Variants in RSPH14 observed in about 807,000 individuals in gnomAD.
The protein encoded by RSPH14 is rhabdoid tumor deletion region gene 1.
RSPH14 carries 20 observed loss-of-function variants against 26.7 expected under a neutral mutation model. The ratio of observed to expected loss-of-function variants is 0.75; its 90% confidence interval spans 0.53 to 1.09. The LOEUF (loss-of-function observed/expected upper bound fraction) is 1.09, where lower values mean the gene tolerates loss of function less well. Ranked by LOEUF, RSPH14 falls within the 50% of genes least tolerant of loss-of-function variation. The pLI is 0.00. For missense variants in RSPH14, 449 were observed against 457.2 expected (o/e 0.98, Z 0.16); for synonymous variants, 177 against 189.3 (o/e 0.93, Z 0.53).
At chr22:23,153,832 G>A in the RSPH14 span, among the ~76,000 whole-genome samples, 22 of 151,410 alleles carry the variant, frequency 1.5e-4, no homozygotes, top group Non-Finnish European at 2.6e-4. Context: ...CAACAGCTGT[G>A]TGCCCCCACA....
intron 4 of RSPH14, among the ~76,000 whole-genome samples, chr22:23,082,520 C>T (rs533617931): frequency 1.5e-3 from 225 of 151,900 alleles, no homozygotes; most frequent in Non-Finnish European, 2.5e-3. Flanking sequence ...CGCCCGGCCT[C>T]GTTGTGTTTT....
At chr22:23,124,285 G>T in intron 4 of RSPH14, 1 of 239,112 alleles carries the variant, frequency 4.2e-6, no homozygotes, top group Non-Finnish European at 9.7e-6. Context: ...AAATGCAGTT[G>T]AGTATTCTTT....
At chr22:23,175,627 T>C in the RSPH14 span, among the ~76,000 whole-genome samples, 1 of 152,240 alleles carries the variant, frequency 6.6e-6, no homozygotes, top group Non-Finnish European at 1.5e-5. Context: ...CGTTTTATTA[T>C]GAAGAATTTA....
At chr22:23,168,562 C>T in the RSPH14 span, among the ~76,000 whole-genome samples, 2 of 152,200 alleles carry the variant, frequency 1.3e-5, no homozygotes, top group Admixed American at 6.5e-5. Flanking sequence ...CCCAGCAGTT[C>T]CCAGGCTCCT....
At chr22:23,156,707 A>T in the RSPH14 span, among the ~76,000 whole-genome samples, 1 of 152,234 alleles carries the variant, frequency 6.6e-6, no homozygotes, top group Non-Finnish European at 1.5e-5. Context: ...TTTCTTTTAG[A>T]CTTAAAAGAA....
At chr22:23,139,379 G>C (rs1351545488) in intron 2 of RSPH14, among the ~76,000 whole-genome samples, 1 of 152,262 alleles carries the variant, frequency 6.6e-6, no homozygotes, top group Non-Finnish European at 1.5e-5. Context: ...CCAGCACTTT[G>C]GGAGGCCAAG....
intron 4 of RSPH14, chr22:23,123,443 C>G: frequency 6.4e-7 from 1 of 1,565,304 alleles, no homozygotes; most frequent in Non-Finnish European, 8.8e-7. Flanking sequence ...GAGCTGGGCC[C>G]GGGGCCCGCC....
chr22:23,168,483 G>GCACCGCTCCCCGC, the RSPH14 span, among the ~76,000 whole-genome samples: 1 of 149,458 alleles, frequency 6.7e-6, no homozygotes, highest in African/African-American at 2.5e-5. Flanking sequence ...TGGACCCTGG[G>GCACCGCTCCCCGC]CACCGCTCCC....
intron 4 of RSPH14, among the ~76,000 whole-genome samples, chr22:23,098,818 C>T (rs1250959693): frequency 1.3e-5 from 2 of 152,244 alleles, no homozygotes; most frequent in South Asian, 4.1e-4. Flanking sequence ...GGTGAGCTGG[C>T]CCCCAGAGTG....
At chr22:23,066,758 G>A (rs542636161) in intron 4 of RSPH14, among the ~76,000 whole-genome samples, 3 of 152,262 alleles carry the variant, frequency 2.0e-5, no homozygotes, top group South Asian at 4.1e-4. Flanking sequence ...CGCTGGGGGT[G>A]GGGGGTGGTT....
chr22:23,132,015 G>A (rs1366888779), intron 4 of RSPH14, among the ~76,000 whole-genome samples: 8 of 152,168 alleles, frequency 5.3e-5, no homozygotes, highest in South Asian at 4.1e-4. Context: ...ACCTGATCCC[G>A]TAGTCATTTC....
At chr22:23,114,623 G>T (rs1245795574) in intron 4 of RSPH14, among the ~76,000 whole-genome samples, 2 of 152,332 alleles carry the variant, frequency 1.3e-5, no homozygotes, top group East Asian at 3.9e-4. Context: ...CCTGGGTGTG[G>T]GGACTAAGCT....
intron 4 of RSPH14, chr22:23,123,622 T>A (rs1232537058): frequency 3.4e-6 from 2 of 595,296 alleles, no homozygotes; most frequent in Admixed American, 5.9e-5. Flanking sequence ...GCTAGGTAGA[T>A]AGACACACAC....
the RSPH14 span, chr22:23,153,427 C>T: frequency 3.0e-6 from 1 of 332,360 alleles, no homozygotes. Flanking sequence ...GCCCTGGCTC[C>T]AGTCCCTCCC....
intron 4 of RSPH14, chr22:23,124,090 G>A (rs780574569): frequency 2.3e-5 from 5 of 216,984 alleles, no homozygotes; most frequent in Non-Finnish European, 4.8e-5. Context: ...ACAACAAAAC[G>A]AGTGGCACGA....
chr22:23,145,558 C>A, upstream of RSPH14: 1 of 1,598,162 alleles, frequency 6.3e-7, no homozygotes, highest in Non-Finnish European at 8.5e-7. Context: ...GCTGGTGAGT[C>A]AGCTCGCCCA....
chr22:23,154,195 A>G, the RSPH14 span, among the ~76,000 whole-genome samples: 1 of 146,956 alleles, frequency 6.8e-6, no homozygotes, highest in Non-Finnish European at 1.5e-5. Flanking sequence ...CCTCACCTCT[A>G]CTCTCCTGTG....
intron 4 of RSPH14, among the ~76,000 whole-genome samples, chr22:23,105,862 G>C (rs1038199548): frequency 3.9e-5 from 6 of 152,178 alleles, no homozygotes; most frequent in African/African-American, 1.4e-4. Context: ...AAGTGGACTG[G>C]GGCTTTGGAA....
the RSPH14 span, among the ~76,000 whole-genome samples, chr22:23,154,894 G>A: frequency 6.6e-6 from 1 of 152,306 alleles, no homozygotes; most frequent in Non-Finnish European, 1.5e-5. Context: ...GGGAGGCCAG[G>A]GCGGGTGGAT....
Sources: allele counts gnomAD v4.1 joint callset (sites outside exome capture counted in the v4.1 genomes callset), GRCh38; gene constraint gnomAD v4.1.1; transcripts MANE v1.5; gene names NCBI Gene and HGNC (gene_info 2026-07-23, HGNC 2026-07-21).